Variants in TRAF3IP1 observed in about 807,000 individuals in gnomAD.
TRAF3IP1 encodes TRAF3-interacting protein 1.
In TRAF3IP1, 53 loss-of-function variants were observed where a neutral mutation model predicts 89.9. The ratio of observed to expected loss-of-function variants is 0.59; its 90% CI spans 0.47 to 0.74. The LOEUF (loss-of-function observed/expected upper bound fraction) is 0.74, where lower values mean the gene tolerates loss of function less well. Among genes scored for constraint, TRAF3IP1 ranks in the 30% least tolerant of loss-of-function variants. The pLI is 0.00. For missense variants in TRAF3IP1, 806 were observed against 866.1 expected (o/e 0.93, Z 0.87); for synonymous variants, 311 against 322.1 (o/e 0.97, Z 0.37).
At chr2:238,372,294 C>T (rs528720816) in intron 15 of TRAF3IP1, among the ~76,000 whole-genome samples, 5 of 152,198 alleles carry the variant, frequency 3.3e-5, no homozygotes, top group South Asian at 2.1e-4. Flanking sequence ...CTCTGCCCCC[C>T]GACAGGCCCC....
chr2:238,388,366 C>A (rs1239740794), intron 15 of TRAF3IP1, among the ~76,000 whole-genome samples: 1 of 131,614 alleles, frequency 7.6e-6, no homozygotes, highest in African/African-American at 2.7e-5. Context: ...CAGAGGGAGA[C>A]CCTGTCTCAA....
intron 7 of TRAF3IP1, 76 bp downstream of exon 7, chr2:238,334,111 A>G: frequency 1.8e-6 from 2 of 1,109,936 alleles, no homozygotes; most frequent in Non-Finnish European, 2.6e-6. Flanking sequence ...CTCAATGTCT[A>G]GTAGGAAAGA....
At chr2:238,381,980 G>A (rs1242679431) in intron 15 of TRAF3IP1, among the ~76,000 whole-genome samples, 1 of 152,180 alleles carries the variant, frequency 6.6e-6, no homozygotes, top group African/African-American at 2.4e-5. Flanking sequence ...AGAAGCACAC[G>A]GATGTGATCA....
At chr2:238,352,258 G>A (rs1039835408) in intron 12 of TRAF3IP1, among the ~76,000 whole-genome samples, 2 of 152,062 alleles carry the variant, frequency 1.3e-5, no homozygotes, top group Non-Finnish European at 2.9e-5. Context: ...ATGTGGACTT[G>A]GGTGGAGCGC....
intron 10 of TRAF3IP1, among the ~76,000 whole-genome samples, chr2:238,347,759 C>T (rs1387153200): frequency 1.3e-5 from 2 of 152,050 alleles, no homozygotes; most frequent in Non-Finnish European, 2.9e-5. Context: ...TCCTGAGTAG[C>T]TGGGATTACA....
intron 15 of TRAF3IP1, among the ~76,000 whole-genome samples, chr2:238,356,825 C>G (rs1699433240): frequency 6.7e-6 from 1 of 150,066 alleles, no homozygotes; most frequent in African/African-American, 2.5e-5. Context: ...GTCGCCCAGG[C>G]TGGAGAGCAG....
chr2:238,341,546 T>TA lies in TRAF3IP1; in HGVS notation c.1160-2941dup, dbSNP rs75778043. On this transcript the variant is annotated intron_variant, in intron 8 of 16. Coordinates refer to ENST00000373327, the MANE Select transcript of TRAF3IP1 (RefSeq NM_015650.4). ...GTTTTTCTATTCTTTTTTTTTTTTT[T>TA]AAAAAAAAAACACTGGCTATTTGAT... Among the ~76,000 whole-genome samples the TA allele has an allele frequency of 3.1e-4, 42 of 137,562 alleles. No homozygotes were observed. The South Asian group carries it at 8.2e-3, about 27-fold the overall frequency. 90.2% of individuals were successfully genotyped at this position (137,562 alleles called of 152,430 possible).
chr2:238,378,799 C>A (rs10203772), intron 15 of TRAF3IP1, among the ~76,000 whole-genome samples: 3 of 152,176 alleles, frequency 2.0e-5, no homozygotes, highest in African/African-American at 4.8e-5. Context: ...GCCGGGACCC[C>A]CCCCCAGGCC....
intron 15 of TRAF3IP1, among the ~76,000 whole-genome samples, chr2:238,390,602 C>T (rs1195640647): frequency 6.6e-6 from 1 of 152,146 alleles, no homozygotes; most frequent in African/African-American, 2.4e-5. Flanking sequence ...AGCACCCATG[C>T]CTTGTCCTGG....
intron 15 of TRAF3IP1, among the ~76,000 whole-genome samples, chr2:238,370,410 A>G (rs1700062390): frequency 6.6e-6 from 1 of 151,964 alleles, no homozygotes; most frequent in Admixed American, 6.6e-5. Context: ...GTATATATGC[A>G]TGGCTATGTC....
chr2:238,350,763 C>T (rs1467059789), intron 12 of TRAF3IP1, among the ~76,000 whole-genome samples: 3 of 152,062 alleles, frequency 2.0e-5, no homozygotes, highest in South Asian at 2.1e-4. Flanking sequence ...TGGACTTGGG[C>T]GTAAAGAGAC....
chr2:238,373,912 A>T (rs770750588), intron 15 of TRAF3IP1, among the ~76,000 whole-genome samples: 17 of 152,058 alleles, frequency 1.1e-4, no homozygotes, highest in Non-Finnish European at 2.1e-4. Flanking sequence ...ATGGGAGTTC[A>T]CTCATGATTT....
Position 238,351,878 on chromosome 2 carries a change from C to CGT in TRAF3IP1, c.1452-945_1452-944dup, listed in dbSNP as rs1553614026. Among the ~76,000 whole-genome samples the CGT allele has an allele frequency of 2.7e-5, 4 of 147,840 alleles. No individual in the cohort carries two copies. The highest frequency in any genetic ancestry group is 6.0e-5 in the Non-Finnish European group (4 of 67,178). ...GTGTGTGTGTGTGTGCGCGCGCGCG[C>CGT]GTGTGCGTGCATGTGCTTGTGTGTA... is the stretch of plus-strand genomic sequence containing the variant. On this transcript the variant is annotated intron_variant, in intron 12 of 16. Coordinates refer to ENST00000373327, the MANE Select transcript of TRAF3IP1 (RefSeq NM_015650.4). This position sits in a 1 kb window ranked among gnomAD's most constrained non-coding sequence, Gnocchi z 5.2.
Position 238,398,765 on chromosome 2 carries a change from G to A in TRAF3IP1, c.1922G>A (p.Cys641Tyr). The A allele has an allele frequency of 6.2e-7, 1 of 1,602,314 alleles. No individual in the cohort carries two copies. The highest frequency in any genetic ancestry group is 8.5e-7 in the Non-Finnish European group (1 of 1,176,788). ...TTGTTCTCCCTCAGGATCACAGACT[G>A]TGCCGTGGAGCCCTTAAAGGCTGAG... Reference protein sequence around the residue: ...ALQQEQRITDCAVEPLKAELA... With the variant: ...ALQQEQRITDYAVEPLKAELA... The change falls in exon 17 of 17, where the codon TGT (cysteine) becomes TAT (tyrosine). Residue 641 changes from cysteine to tyrosine, a missense_variant. Physicochemically the swap from Cys to Tyr is radical, Grantham distance 194. Around this residue, in one of 3 missense-constraint regions of TRAF3IP1, gnomAD observed 70 missense variants for 67.8 expected, o/e 1.03. Transcript: ENST00000373327.
intron 14 of TRAF3IP1, among the ~76,000 whole-genome samples, chr2:238,354,578 G>A (rs746910899): frequency 2.0e-5 from 3 of 152,066 alleles, no homozygotes; most frequent in Admixed American, 6.5e-5. Context: ...AGAACACCAC[G>A]ACTGGTTTTT....
At chr2:238,347,511 A>G (rs777027643) in intron 10 of TRAF3IP1, 36 bp downstream of exon 10, 1 of 1,610,092 alleles carries the variant, frequency 6.2e-7, no homozygotes, top group East Asian at 2.2e-5. Flanking sequence ...GTGTCATATC[A>G]ATTGTATGCA....
intron 3 of TRAF3IP1, 139 bp from the exon 4 acceptor site, chr2:238,328,547 A>G (rs919565112): frequency 1.8e-6 from 2 of 1,104,084 alleles, no homozygotes; most frequent in Non-Finnish European, 2.5e-6. Flanking sequence ...AACATGTTCA[A>G]AAAATATTTT....
chr2:238,333,000 G>A, intron 6 of TRAF3IP1, 105 bp downstream of exon 6: 1 of 806,248 alleles, frequency 1.2e-6, no homozygotes, highest in Non-Finnish European at 2.1e-6. Context: ...AGGAGCACAT[G>A]GTCTGGGCCT....
Position 238,345,966 on chromosome 2 carries a change from C to T in TRAF3IP1, c.1261+1368C>T, listed in dbSNP as rs536036448. ...ATTGAAAGGTAGAGAGTTCACTGTG[C>T]TGACTTTCCTTCTGGGTATCGGCCT... On this transcript the variant is annotated intron_variant, in intron 9 of 16. Transcript: ENST00000373327. This position sits in a 1 kb window ranked among gnomAD's most constrained non-coding sequence, Gnocchi z 4.7. Among the ~76,000 whole-genome samples the T allele has an allele frequency of 6.6e-6, 1 of 152,244 alleles. No homozygotes were observed. The highest frequency in any genetic ancestry group is 2.1e-4 in the South Asian group (1 of 4,824).
Sources: gnomAD v4.1 joint callset for allele counts (sites outside exome capture counted in the v4.1 genomes callset) on GRCh38, gnomAD v4.1.1 for gene constraint, gnomAD v4.1.1 regional missense constraint, Gnocchi (gnomAD v3.1) non-coding constraint, MANE v1.5 for transcripts, NCBI Gene and HGNC (gene_info 2026-07-23, HGNC 2026-07-21) for gene names.